CASK: variants seen among roughly 807,000 people sequenced by gnomAD.
The protein encoded by CASK is calcium/calmodulin dependent serine protein kinase.
In CASK, 4 loss-of-function variants were observed where a neutral mutation model predicts 82.9. The observed-to-expected ratio is 0.05, with a 90% CI of 0.02 to 0.11. The LOEUF (loss-of-function observed/expected upper bound fraction) is 0.11. Among genes scored for constraint, CASK ranks in the 10% least tolerant of loss-of-function variants. CASK has a pLI of 1.00. For missense variants in CASK, 358 were observed against 720.9 expected, an observed-to-expected ratio of 0.50 and a Z score of 5.76; for synonymous variants, 259 against 253.5, an observed-to-expected ratio of 1.02 and a Z score of -0.20.
chrX:41,591,128 A>T (rs2065738779), intron 12 of CASK, among the ~76,000 whole-genome samples: 1 of 111,753 alleles, frequency 8.9e-6, no homozygotes, highest in African/African-American at 3.3e-5. Context: ...AGTTTGCCCA[A>T]ATCCCTGTAA....
chrX:41,901,855 T>A (rs1040267606), intron 1 of CASK, among the ~76,000 whole-genome samples: 2 of 111,969 alleles, frequency 1.8e-5, no homozygotes, highest in African/African-American at 6.5e-5. Context: ...GCACTGGGCC[T>A]TGAGCCTGAG....
chrX:41,593,533 C>T (rs1019868790), intron 12 of CASK, among the ~76,000 whole-genome samples: 16 of 111,412 alleles, frequency 1.4e-4, no homozygotes, highest in African/African-American at 5.2e-4. Flanking sequence ...ACCAAAGGCC[C>T]AGAAATGTAT....
chrX:41,640,377 C>T (rs5918215), intron 8 of CASK, among the ~76,000 whole-genome samples: 15,924 of 109,638 alleles, frequency 0.15, 915 homozygotes, highest in Middle Eastern at 0.18. Context: ...CTAATTTTTA[C>T]ATATTTAGTA....
intron 7 of CASK, among the ~76,000 whole-genome samples, chrX:41,662,586 T>C (rs982768524): frequency 6.3e-5 from 7 of 110,370 alleles, no homozygotes; most frequent in Non-Finnish European, 1.9e-5. Flanking sequence ...GGCCAGGAGT[T>C]TGAGACCAGC....
At chrX:41,814,488 C>G (rs945510950) in intron 2 of CASK, among the ~76,000 whole-genome samples, 2 of 108,052 alleles carry the variant, frequency 1.9e-5, no homozygotes, top group African/African-American at 6.8e-5. Context: ...CAAACTATCG[C>G]AAGGACAAAA....
intron 1 of CASK, among the ~76,000 whole-genome samples, chrX:41,868,437 A>G (rs745890279): frequency 4.5e-5 from 5 of 112,130 alleles, no homozygotes; most frequent in Non-Finnish European, 9.4e-5. Flanking sequence ...AATATTTTAC[A>G]ATGAACTTAC....
chrX:41,582,707 C>T (rs2065599179), intron 14 of CASK, among the ~76,000 whole-genome samples: 1 of 111,754 alleles, frequency 8.9e-6, no homozygotes, highest in Non-Finnish European at 1.9e-5. Context: ...TTAACTGTAT[C>T]TCAGCCACAA....
intron 1 of CASK, among the ~76,000 whole-genome samples, chrX:41,897,751 C>A (rs974991849): frequency 9.0e-6 from 1 of 111,199 alleles, no homozygotes; most frequent in Non-Finnish European, 1.9e-5. Context: ...GCTTCCTGTA[C>A]ACTAAGAGGT....
chrX:41,783,550 A>G lies in CASK; in HGVS notation c.278+3628T>C, dbSNP rs755330138. ...GACAACAGAGCAAGACTCTGTCTCA[A>G]AAAAAAAAAAAAAACAAAAGAATTA... On this transcript the variant is annotated intron_variant, in intron 3 of 26. Transcript: ENST00000378163. 3.1e-4 allele frequency among the ~76,000 whole-genome samples: 33 copies of G among 107,474 alleles called. No individual in the cohort carries two copies. The Admixed American group carries it at 3.2e-3, about 10-fold the overall frequency. The allele number at this position is 107,474 out of a possible 115,157, so 93.3% of individuals were successfully genotyped here. A position where few individuals can be genotyped will look rare whatever the true frequency, so the allele number is the denominator to read the frequency against.
intron 2 of CASK, among the ~76,000 whole-genome samples, chrX:41,848,410 A>G (rs867498450): frequency 3.4e-4 from 38 of 111,782 alleles, no homozygotes; most frequent in Admixed American, 6.6e-4. Flanking sequence ...GTTAGTTATC[A>G]TGAGAACTGG....
chrX:41,912,437 A>T (rs1267850103), intron 1 of CASK, among the ~76,000 whole-genome samples: 4 of 104,450 alleles, frequency 3.8e-5, no homozygotes, highest in Non-Finnish European at 7.8e-5. Flanking sequence ...CCTCCCAAGT[A>T]GCTGGGATTA....
At chrX:41,834,210 C>T (rs1242303215) in intron 2 of CASK, among the ~76,000 whole-genome samples, 1 of 111,526 alleles carries the variant, frequency 9.0e-6, no homozygotes, top group African/African-American at 3.3e-5. Flanking sequence ...TTTTGTTTGG[C>T]GCCCTGGAGA....
intron 5 of CASK, chrX:41,683,321 T>A (rs2067393033): frequency 9.0e-6 from 1 of 111,085 alleles, no homozygotes; most frequent in Admixed American, 9.5e-5. Flanking sequence ...GGTACCCCCC[T>A]CCCGGGAGAT....
intron 12 of CASK, among the ~76,000 whole-genome samples, chrX:41,594,298 T>C (rs1319548652): frequency 8.9e-6 from 1 of 111,885 alleles, no homozygotes; most frequent in Non-Finnish European, 1.9e-5. Context: ...GAGCAAGTAT[T>C]TGATTATTCC....
At chrX:41,673,696 G>C (rs1439100133) in intron 5 of CASK, among the ~76,000 whole-genome samples, 2 of 110,118 alleles carry the variant, frequency 1.8e-5, no homozygotes, top group Non-Finnish European at 3.8e-5. Flanking sequence ...GAATAAGGAG[G>C]GTTGTTTGGA....
intron 8 of CASK, 84 bp from the exon 9 acceptor site, chrX:41,636,745 A>G (rs1420555759): frequency 6.8e-6 from 4 of 586,253 alleles, no homozygotes; most frequent in African/African-American, 2.3e-5. Flanking sequence ...TAAAGCTAAA[A>G]TTCTTAAATA....
intron 5 of CASK, among the ~76,000 whole-genome samples, chrX:41,695,158 C>A (rs2067657142): frequency 9.0e-6 from 1 of 111,398 alleles, no homozygotes; most frequent in African/African-American, 3.3e-5. Context: ...CAATGTAGGC[C>A]ATGGCCACAG....
At chrX:41,572,677 T>C (rs2065430411) in intron 15 of CASK, among the ~76,000 whole-genome samples, 1 of 112,237 alleles carries the variant, frequency 8.9e-6, no homozygotes, top group African/African-American at 3.2e-5. Flanking sequence ...CTAAAACACA[T>C]TGTTATTTTT....
chrX:41,672,820 G>C (rs1438284797), intron 5 of CASK, among the ~76,000 whole-genome samples: 2 of 112,613 alleles, frequency 1.8e-5, no homozygotes, highest in African/African-American at 6.5e-5. Context: ...GAAATGAATA[G>C]TGAGCAAACC....
Sources: allele counts gnomAD v4.1 joint callset (sites outside exome capture counted in the v4.1 genomes callset), GRCh38; gene constraint gnomAD v4.1.1; transcripts MANE v1.5; gene names NCBI Gene and HGNC (gene_info 2026-07-23, HGNC 2026-07-21).